Variants in CRPPA observed in about 807,000 individuals in gnomAD.
CRPPA encodes the protein CDP-L-ribitol pyrophosphorylase A, also known as D-ribitol-5-phosphate cytidylyltransferase.
A neutral mutation model predicts 52.0 loss-of-function variants in CRPPA; 43 were observed. The observed-to-expected ratio is 0.83, with a 90% CI of 0.65 to 1.07. CRPPA has a LOEUF of 1.07. Ranked by LOEUF, CRPPA falls within the 50% of genes least tolerant of loss-of-function variation. The pLI is 0.00. For synonymous variants in CRPPA, 250 were observed against 203.5 expected (o/e 1.23, Z -1.94); for missense variants, 629 against 551.7 (o/e 1.14, Z -1.40).
intron 3 of CRPPA, among the ~76,000 whole-genome samples, chr7:16,311,513 T>C (rs1273016330): frequency 6.6e-6 from 1 of 152,170 alleles, no homozygotes; most frequent in African/African-American, 2.4e-5. Flanking sequence ...AGCTAATTTC[T>C]TTTTAGGAGT....
At chr7:16,400,531 CACT>C (rs1355798056) in intron 2 of CRPPA, among the ~76,000 whole-genome samples, 1 of 152,158 alleles carries the variant, frequency 6.6e-6, no homozygotes, top group Non-Finnish European at 1.5e-5. Context: ...ACATGATTGA[CACT>C]ACTGACACGT....
chr7:16,371,804 CT>C, intron 3 of CRPPA, among the ~76,000 whole-genome samples: 1 of 151,814 alleles, frequency 6.6e-6, no homozygotes, highest in African/African-American at 2.4e-5. Flanking sequence ...AACTTAAAGA[CT>C]TTTTTTAAAT....
rs1002627279 is a variant in CRPPA, at chr7:16,258,560, G to T, written c.1027-78C>A. On this transcript the variant is annotated intron_variant, in intron 7 of 9. Transcript: ENST00000407010. The stretch of plus-strand genomic sequence containing the variant: ...AAACTTATTTCAAGGAATAAATGGA[G>T]AGATTCTGCATAACATTCAAAATAT... 1.0e-5 allele frequency: 8 copies of T among 775,970 alleles called. No individual in the cohort carries two copies. In the African/African-American group the frequency reaches 1.4e-4, roughly 14 times the overall value. 48.1% of individuals were successfully genotyped at this position (775,970 alleles called of 1,614,324 possible). A position where few individuals can be genotyped will look rare whatever the true frequency, so the allele number is the denominator to read the frequency against.
At chr7:16,369,582 G>T (rs111290111) in intron 3 of CRPPA, among the ~76,000 whole-genome samples, 1 of 152,108 alleles carries the variant, frequency 6.6e-6, no homozygotes, top group African/African-American at 2.4e-5. Flanking sequence ...CAGAACTGAG[G>T]TTTTAATAGG....
At chr7:16,234,147 T>C (rs935215871) in intron 8 of CRPPA, among the ~76,000 whole-genome samples, 1 of 152,166 alleles carries the variant, frequency 6.6e-6, no homozygotes, top group Admixed American at 6.6e-5. Context: ...TTAGTGTTCA[T>C]AATGTAATTT....
At chr7:16,355,633 A>C (rs1043036641) in intron 3 of CRPPA, among the ~76,000 whole-genome samples, 17 of 152,218 alleles carry the variant, frequency 1.1e-4, no homozygotes, top group African/African-American at 3.9e-4. Context: ...AGTCCCAAAG[A>C]AATTAAAGTC....
intron 2 of CRPPA, among the ~76,000 whole-genome samples, chr7:16,404,641 A>T (rs1487529520): frequency 6.6e-6 from 1 of 151,894 alleles, no homozygotes; most frequent in African/African-American, 2.4e-5. Context: ...AAAATTGTGT[A>T]TAATATGCGT....
At chr7:16,388,953 A>G (rs1787368339) in intron 2 of CRPPA, among the ~76,000 whole-genome samples, 1 of 152,194 alleles carries the variant, frequency 6.6e-6, no homozygotes, top group African/African-American at 2.4e-5. Context: ...TGACATTTCT[A>G]TCAACCTCAG....
At chr7:16,264,913 G>A (rs538019570) in intron 6 of CRPPA, among the ~76,000 whole-genome samples, 9 of 152,240 alleles carry the variant, frequency 5.9e-5, no homozygotes, top group Admixed American at 3.9e-4. Flanking sequence ...CCAGAACGTC[G>A]TTGCTGTGTG....
At chr7:16,116,951 C>G (rs1782387733) in intron 9 of CRPPA, among the ~76,000 whole-genome samples, 1 of 152,188 alleles carries the variant, frequency 6.6e-6, no homozygotes, top group African/African-American at 2.4e-5. Context: ...ATGTGTCACT[C>G]TAGAGACCAT....
At chr7:16,176,927 G>T (rs980861005) in intron 9 of CRPPA, among the ~76,000 whole-genome samples, 1 of 152,068 alleles carries the variant, frequency 6.6e-6, no homozygotes, top group Admixed American at 6.6e-5. Context: ...TATGGGTTGA[G>T]TAAATCATTA....
At chr7:16,263,821 T>C (rs1267818787) in intron 6 of CRPPA, among the ~76,000 whole-genome samples, 3 of 151,910 alleles carry the variant, frequency 2.0e-5, no homozygotes, top group Admixed American at 6.6e-5. Flanking sequence ...TATAGTGTTA[T>C]TGTAATTGTA....
At chr7:16,100,596 A>G (rs975432045) in intron 9 of CRPPA, among the ~76,000 whole-genome samples, 8 of 152,318 alleles carry the variant, frequency 5.3e-5, no homozygotes, top group Non-Finnish European at 7.4e-5. Flanking sequence ...GTCATCTGCA[A>G]ACAGAGACAA....
intron 9 of CRPPA, among the ~76,000 whole-genome samples, chr7:16,146,513 T>C (rs180916952): frequency 1.9e-4 from 29 of 152,248 alleles, no homozygotes; most frequent in Middle Eastern, 3.4e-3. Flanking sequence ...CACAAATCAC[T>C]TTCAACTACA....
Position 16,234,489 on chromosome 7 carries a change from A to G in CRPPA, c.1120-18292T>C, listed in dbSNP as rs191521858. Among the ~76,000 whole-genome samples, 50 of 152,292 alleles carry G rather than the reference A, an allele frequency of 3.3e-4. No homozygotes were observed. In the East Asian group the frequency reaches 9.4e-3, roughly 29 times the overall value. Reference sequence around the variant, plus strand: ...ATGAAAAATTTTTTAATTGAATTCTACTAAAAAGATCAAGATAGTAAAATG... The same window carrying G: ...ATGAAAAATTTTTTAATTGAATTCTGCTAAAAAGATCAAGATAGTAAAATG... On this transcript the variant is annotated intron_variant, in intron 8 of 9. Coordinates refer to ENST00000407010, the MANE Select transcript of CRPPA (RefSeq NM_001101426.4).
intron 3 of CRPPA, among the ~76,000 whole-genome samples, chr7:16,314,930 T>C (rs1583512673): frequency 6.6e-6 from 1 of 152,214 alleles, no homozygotes; most frequent in Middle Eastern, 3.4e-3. Flanking sequence ...CTAACATTGA[T>C]TTGGAGAAAT....
chr7:16,209,300 C>T (rs1171290423), intron 9 of CRPPA: 2 of 100,448 alleles, frequency 2.0e-5, no homozygotes, highest in African/African-American at 3.1e-5. Context: ...TGAGACGAGT[C>T]TCGCTCTGTT....
At chr7:16,280,169 G>A (rs1053299633) in intron 5 of CRPPA, among the ~76,000 whole-genome samples, 1 of 152,208 alleles carries the variant, frequency 6.6e-6, no homozygotes, top group Non-Finnish European at 1.5e-5. Flanking sequence ...AGATTTGGGT[G>A]GGGACACAGC....
chr7:16,376,574 T>C (rs981750552), intron 2 of CRPPA, among the ~76,000 whole-genome samples: 1 of 152,184 alleles, frequency 6.6e-6, no homozygotes, highest in Admixed American at 6.5e-5. Flanking sequence ...AGAGAAAGAC[T>C]ATCATGAAAT....
Sources: gnomAD v4.1 joint callset for allele counts (sites outside exome capture counted in the v4.1 genomes callset) on GRCh38, gnomAD v4.1.1 for gene constraint, MANE v1.5 for transcripts, NCBI Gene and HGNC (gene_info 2026-07-23, HGNC 2026-07-21) for gene names.